The following SLAIN1 variants were observed in gnomAD, a reference collection of about 807,000 sequenced individuals.
SLAIN1 encodes SLAIN motif-containing protein 1.
A neutral mutation model predicts 55.4 loss-of-function variants in SLAIN1; 17 were observed. The ratio of observed to expected loss-of-function variants is 0.31; its 90% confidence interval spans 0.21 to 0.46. The LOEUF is 0.46. SLAIN1 is among the 20% of genes least tolerant of loss of function. The probability of loss-of-function intolerance (pLI) is 1.00; values close to 1 mark genes in which losing one functional copy is unlikely to be tolerated. For missense variants in SLAIN1, 682 were observed against 785.1 expected, an observed-to-expected ratio of 0.87 and a Z score of 1.57; for synonymous variants, 348 against 337.4, an observed-to-expected ratio of 1.03 and a Z score of -0.35.
In SLAIN1 at chr13:77,760,838, G is replaced by A. The variant is rs748642922; in HGVS notation, c.1425G>A (p.Pro475=). 10 of 1,613,246 alleles carry A rather than the reference G, an allele frequency of 6.2e-6. No individual in the cohort carries two copies. Among genetic ancestry groups the A allele is most frequent in the African/African-American group, 4.0e-5 (3 of 74,986 alleles). Residue 475 remains proline (P), a synonymous_variant, in exon 6 of 7, where the codon CCG becomes CCA. Transcript: ENST00000418532. ...CATTTTCTCTTCTAGTTCCATCACC[G>A]GGACAGCTTCAACACAGGGTCCACA... is the stretch of plus-strand genomic sequence containing the variant. ...ISRIQSCIPS[P]GQLQHRVHSV... is the part of the protein sequence containing the mutation.
rs1594242348 is a variant in SLAIN1, at chr13:77,697,953, A to G, written c.40A>G (p.Ser14Gly). The G allele has an allele frequency of 7.0e-7, 1 of 1,438,538 alleles. No individual in the cohort carries two copies. Among genetic ancestry groups the G allele is most frequent in the Non-Finnish European group, 9.2e-7 (1 of 1,086,956 alleles). 89.1% of individuals were successfully genotyped at this position (1,438,538 alleles called of 1,614,324 possible). The change falls in exon 1 of 7, where the codon AGC (serine) becomes GGC (glycine). Residue 14 changes from serine (S) to glycine (G), a missense_variant. Transcript: ENST00000418532. ...GGTGAAATGCGCCTCGGCAGGGGTC[A>G]GCTCTGGAGCGGGCTCCGGGCCGGT... ...EQVKCASAGV[S>G]SGAGSGPVVN...
chr13:77,720,713 G>A (rs2091254000), intron 2 of SLAIN1, among the ~76,000 whole-genome samples: 1 of 152,146 alleles, frequency 6.6e-6, no homozygotes, highest in Non-Finnish European at 1.5e-5. Flanking sequence ...ATGATACTCA[G>A]GGACAGAGTC....
chr13:77,714,594 CAG>C (rs1158621905), intron 1 of SLAIN1, among the ~76,000 whole-genome samples: 1 of 152,110 alleles, frequency 6.6e-6, no homozygotes, highest in Non-Finnish European at 1.5e-5. Flanking sequence ...GCCTGGGTGA[CAG>C]AGCAAGACCA....
intron 5 of SLAIN1, among the ~76,000 whole-genome samples, chr13:77,756,745 ATC>A (rs1357802644): frequency 1.3e-5 from 2 of 152,148 alleles, no homozygotes; most frequent in African/African-American, 4.8e-5. Context: ...ACACAGGTGA[ATC>A]TCACAGACAA....
At position 77,697,929 on chromosome 13, in the gene SLAIN1, G is replaced by C. The variant is rs919167571; in HGVS notation, c.16G>C (p.Val6Leu). The C allele has an allele frequency of 7.7e-6, 11 of 1,421,482 alleles. 1 individual carries two copies. In the African/African-American group the frequency reaches 9.0e-5, roughly 12 times the overall value. 88.1% of individuals were successfully genotyped at this position (1,421,482 alleles called of 1,614,324 possible). A position where few individuals can be genotyped will look rare whatever the true frequency, so the allele number is the denominator to read the frequency against. Residue 6 changes from valine to leucine, a missense_variant, in exon 1 of 7, where the codon GTG becomes CTG. Physicochemically the swap from Val to Leu is conservative, Grantham distance 32. Coordinates refer to ENST00000418532, the MANE Select transcript of SLAIN1 (RefSeq NM_001242868.2). ...GGGGCCCACGATGATGGCGGAGCAGGTGAAATGCGCCTCGGCAGGGGTCAG... is the reference window on the plus strand; with the variant it reads ...GGGGCCCACGATGATGGCGGAGCAGCTGAAATGCGCCTCGGCAGGGGTCAG... MMAEQ[V>L]KCASAGVSSG... is the part of the protein sequence containing the mutation.
At chr13:77,725,489 C>A (rs1038054278) in intron 2 of SLAIN1, among the ~76,000 whole-genome samples, 1 of 152,144 alleles carries the variant, frequency 6.6e-6, no homozygotes, top group African/African-American at 2.4e-5. Flanking sequence ...CTTTCATTGA[C>A]AGATAGGTAA....
chr13:77,701,453 G>C (rs536767628), intron 1 of SLAIN1, among the ~76,000 whole-genome samples: 1 of 152,096 alleles, frequency 6.6e-6, no homozygotes, highest in South Asian at 2.1e-4. Flanking sequence ...TAGTTCATTA[G>C]TTAATGATTA....
intron 2 of SLAIN1, among the ~76,000 whole-genome samples, chr13:77,731,534 G>A (rs538728435): frequency 2.0e-4 from 30 of 152,178 alleles, no homozygotes; most frequent in Admixed American, 7.9e-4. Context: ...CAGTAGCCTC[G>A]GAGATGACCT....
Position 77,698,183 on chromosome 13 carries a change from C to T in SLAIN1, c.270C>T (p.Ala90=), listed in dbSNP as rs1416112931. 8 of 1,192,998 alleles carry T rather than the reference C, an allele frequency of 6.7e-6. No homozygotes were observed. The highest frequency in any genetic ancestry group is 7.3e-6 in the Non-Finnish European group (7 of 964,706). The allele number at this position is 1,192,998 out of a possible 1,614,324, so 73.9% of individuals were successfully genotyped here. Residue 90 remains alanine (A), a synonymous_variant, in exon 1 of 7, where the codon GCC becomes GCT. Transcript: ENST00000418532. This position sits in a 1 kb window ranked among gnomAD's most constrained non-coding sequence, Gnocchi z 4.1. ...PRSPPAATAT[A]AASGGLGLGL... Reference sequence around the variant, plus strand: ...GCCCCCCGGCCGCCACGGCCACCGCCGCGGCCTCAGGGGGCCTGGGGCTCG... The same window carrying T: ...GCCCCCCGGCCGCCACGGCCACCGCTGCGGCCTCAGGGGGCCTGGGGCTCG...
rs1267873890 is a variant in SLAIN1, at chr13:77,763,386, A to C, written c.*166A>C. 4 of 598,440 alleles carry C rather than the reference A, an allele frequency of 6.7e-6. No individual in the cohort carries two copies. The highest frequency in any genetic ancestry group is 2.1e-5 in the South Asian group (1 of 47,862). The allele number at this position is 598,440 out of a possible 1,614,324, so 37.1% of individuals were successfully genotyped here. ...CCAGTCACCAGAGACTAATTATTGC[A>C]CTTAAATATTTGCCTGAGATACTGC... On this transcript the variant is annotated 3_prime_UTR_variant, in exon 7 of 7. Coordinates refer to ENST00000418532, the MANE Select transcript of SLAIN1 (RefSeq NM_001242868.2).
At chr13:77,737,189 C>T (rs1318380960) in intron 2 of SLAIN1, among the ~76,000 whole-genome samples, 1 of 151,796 alleles carries the variant, frequency 6.6e-6, no homozygotes, top group Non-Finnish European at 1.5e-5. Flanking sequence ...CTCTTTTTTT[C>T]CCACTCCCTA....
In SLAIN1 at chr13:77,698,063, G is replaced by A. The variant is rs2090991233; in HGVS notation, c.150G>A (p.Ala50=). The A allele has an allele frequency of 1.5e-6, 2 of 1,338,632 alleles. No homozygotes were observed. The highest frequency in any genetic ancestry group is 2.7e-5 in the Admixed American group (1 of 37,730). The allele number at this position is 1,338,632 out of a possible 1,614,324, so 82.9% of individuals were successfully genotyped here. ...EKQNEQLRSR[A]ASAAAAPHLL... Reference sequence around the variant, plus strand: ...AGAACGAGCAGCTGCGGAGTCGAGCGGCCAGCGCGGCCGCCGCCCCGCACC... The same window carrying A: ...AGAACGAGCAGCTGCGGAGTCGAGCAGCCAGCGCGGCCGCCGCCCCGCACC... The change falls in exon 1 of 7, where the codon GCG becomes GCA. Residue 50 remains alanine, a synonymous_variant. Transcript: ENST00000418532. The surrounding 1 kb of genome is among the most constrained non-coding windows in gnomAD (Gnocchi z 4.1).
At chr13:77,716,608 C>T (rs2091210276) in intron 1 of SLAIN1, among the ~76,000 whole-genome samples, 1 of 152,070 alleles carries the variant, frequency 6.6e-6, no homozygotes, top group Non-Finnish European at 1.5e-5. Flanking sequence ...TATCCTTAAG[C>T]ATCTGATGGT....
chr13:77,705,800 T>C (rs1190735161), intron 1 of SLAIN1, among the ~76,000 whole-genome samples: 1 of 152,022 alleles, frequency 6.6e-6, no homozygotes, highest in Non-Finnish European at 1.5e-5. Flanking sequence ...GAGACTTTTT[T>C]TTTCTAGACA....
chr13:77,758,976 A>T (rs145486969), intron 5 of SLAIN1, among the ~76,000 whole-genome samples: 2 of 152,030 alleles, frequency 1.3e-5, no homozygotes, highest in Admixed American at 1.3e-4. Context: ...GTGAAGAATG[A>T]TGATGGTATT....
At chr13:77,726,860 T>C (rs1247533674) in intron 2 of SLAIN1, among the ~76,000 whole-genome samples, 3 of 152,256 alleles carry the variant, frequency 2.0e-5, no homozygotes, top group African/African-American at 7.2e-5. Context: ...TCAGCCTCTT[T>C]TACATTTGTA....
intron 1 of SLAIN1, among the ~76,000 whole-genome samples, chr13:77,708,730 G>C (rs907983440): frequency 6.6e-6 from 1 of 152,078 alleles, no homozygotes; most frequent in African/African-American, 2.4e-5. Flanking sequence ...CAATAAAAAG[G>C]ACGTCCACAC....
chr13:77,699,037 T>G (rs1267302725), intron 1 of SLAIN1: 1 of 1,535,452 alleles, frequency 6.5e-7, no homozygotes, highest in African/African-American at 1.4e-5. Context: ...CGCGCAGTGA[T>G]GGATCTCTCT....
At chr13:77,708,331 C>A (rs1007221383) in intron 1 of SLAIN1, among the ~76,000 whole-genome samples, 1 of 152,150 alleles carries the variant, frequency 6.6e-6, no homozygotes, top group East Asian at 1.9e-4. Context: ...TTGGAGGAAG[C>A]TTCCTAGCAG....
Sources: gnomAD v4.1 joint callset for allele counts (sites outside exome capture counted in the v4.1 genomes callset) on GRCh38, gnomAD v4.1.1 for gene constraint, Gnocchi (gnomAD v3.1) non-coding constraint, MANE v1.5 for transcripts, NCBI Gene and HGNC (gene_info 2026-07-23, HGNC 2026-07-21) for gene names.